Variants in COP1 observed in about 807,000 individuals in gnomAD.
COP1 encodes the protein E3 ubiquitin-protein ligase COP1.
COP1 carries 24 observed loss-of-function variants against 101.3 expected under a neutral mutation model. That is an observed-to-expected ratio of 0.24 (90% CI 0.17 to 0.33). The LOEUF is 0.33. Among genes scored for constraint, COP1 ranks in the 10% least tolerant of loss-of-function variants. The pLI is 1.00. For synonymous variants in COP1, 347 were observed against 341.9 expected (o/e 1.01, Z -0.17); for missense variants, 663 against 906.2 (o/e 0.73, Z 3.45).
chr1:176,194,068 T>C (rs1426642752), intron 1 of COP1, among the ~76,000 whole-genome samples: 1 of 152,194 alleles, frequency 6.6e-6, no homozygotes, highest in African/African-American at 2.4e-5. Context: ...TATGAAATAT[T>C]TGAAGGTAGA....
chr1:176,050,815 C>T (rs550374816), intron 11 of COP1, among the ~76,000 whole-genome samples: 2 of 152,236 alleles, frequency 1.3e-5, no homozygotes, highest in South Asian at 4.1e-4. Context: ...CTGAGGTATA[C>T]TAATGTTAAG....
intron 5 of COP1, 63 bp from the exon 6 acceptor site, chr1:176,149,137 C>A: frequency 9.6e-7 from 1 of 1,040,700 alleles, no homozygotes; most frequent in South Asian, 1.5e-5. Context: ...TTTTCTTTAA[C>A]ACCATAGCAT....
At chr1:175,947,458 C>T (rs1345395985) in intron 18 of COP1, 1 of 433,276 alleles carries the variant, frequency 2.3e-6, no homozygotes, top group African/African-American at 2.0e-5. Context: ...ACAACCTCCA[C>T]TTCCTGGGTT....
chr1:175,976,996 T>G (rs568536207), intron 18 of COP1, among the ~76,000 whole-genome samples: 1 of 152,154 alleles, frequency 6.6e-6, no homozygotes, highest in South Asian at 2.1e-4. Flanking sequence ...TTAGTATTTT[T>G]TTCTCCCAAT....
At chr1:176,182,610 C>T (rs1450667732) in intron 2 of COP1, among the ~76,000 whole-genome samples, 3 of 152,204 alleles carry the variant, frequency 2.0e-5, no homozygotes, top group African/African-American at 4.8e-5. Context: ...TACTCTAGAT[C>T]ACCTAATTTT....
rs190782635 is a variant in COP1 at position 176,113,172 on chromosome 1, A to G, written c.1026+3452T>C. Among the ~76,000 whole-genome samples, 45 of 152,264 alleles carry G rather than the reference A, an allele frequency of 3.0e-4. No individual in the cohort carries two copies. The East Asian group carries it at 8.5e-3, about 29-fold the overall frequency. On this transcript the variant is annotated intron_variant, in intron 9 of 19. Transcript: ENST00000367669. ...TACGACTTTACATTCTCATCAGTATAGGGGCATTCACTCTTTCTCCACGTC... is the reference window on the plus strand; with the variant it reads ...TACGACTTTACATTCTCATCAGTATGGGGGCATTCACTCTTTCTCCACGTC...
chr1:176,064,185 A>T (rs1320022512), intron 11 of COP1, among the ~76,000 whole-genome samples: 1 of 152,204 alleles, frequency 6.6e-6, no homozygotes, highest in Non-Finnish European at 1.5e-5. Context: ...TCTCAATCAA[A>T]ATGACCTTCC....
At chr1:176,073,314 T>C (rs1001677510) in intron 11 of COP1, among the ~76,000 whole-genome samples, 4 of 152,294 alleles carry the variant, frequency 2.6e-5, no homozygotes, top group African/African-American at 9.6e-5. Flanking sequence ...TCTTAGGAAT[T>C]TACTAATGCT....
intron 15 of COP1, among the ~76,000 whole-genome samples, chr1:175,992,772 G>A (rs1658929411): frequency 6.6e-6 from 1 of 152,236 alleles, no homozygotes; most frequent in Admixed American, 6.5e-5. Flanking sequence ...GCCCACCACA[G>A]CTCAAGGAGG....
chr1:176,143,020 A>G (rs1690943306), intron 6 of COP1, among the ~76,000 whole-genome samples: 1 of 151,954 alleles, frequency 6.6e-6, no homozygotes, highest in South Asian at 2.1e-4. Context: ...ATAAAACAGA[A>G]AACAAACAAA....
intron 8 of COP1, among the ~76,000 whole-genome samples, chr1:176,127,345 C>T (rs1196030027): frequency 6.6e-6 from 1 of 152,140 alleles, no homozygotes; most frequent in Non-Finnish European, 1.5e-5. Context: ...ACCAACTTCT[C>T]CCCTCTCCCC....
chr1:176,198,973 A>C (rs1252160617), intron 1 of COP1, among the ~76,000 whole-genome samples: 2 of 152,246 alleles, frequency 1.3e-5, no homozygotes, highest in African/African-American at 4.8e-5. Context: ...AAAACAATAC[A>C]AGAAATAAAT....
chr1:175,974,602 G>A (rs932113846), intron 18 of COP1, among the ~76,000 whole-genome samples: 2 of 152,088 alleles, frequency 1.3e-5, no homozygotes, highest in African/African-American at 2.4e-5. Flanking sequence ...GATATAAAAC[G>A]TTTAAGATCG....
At chr1:176,155,200 T>C (rs1359963725) in intron 5 of COP1, among the ~76,000 whole-genome samples, 2 of 152,044 alleles carry the variant, frequency 1.3e-5, no homozygotes, top group African/African-American at 2.4e-5. Context: ...AATCAAAAAA[T>C]GCGTACTATT....
intron 15 of COP1, among the ~76,000 whole-genome samples, chr1:176,007,984 G>A (rs371749663): frequency 6.6e-6 from 1 of 152,170 alleles, no homozygotes; most frequent in East Asian, 1.9e-4. Context: ...TGCTCTGCTA[G>A]CAATCAGGGA....
At chr1:176,031,725 G>T (rs943439737) in intron 14 of COP1, among the ~76,000 whole-genome samples, 4 of 152,046 alleles carry the variant, frequency 2.6e-5, no homozygotes. Context: ...TTAACACTAA[G>T]TGTTCTATAC....
chr1:176,001,985 C>T (rs149980931), intron 15 of COP1, among the ~76,000 whole-genome samples: 1 of 152,090 alleles, frequency 6.6e-6, no homozygotes, highest in African/African-American at 2.4e-5. Flanking sequence ...AATGAGGATC[C>T]CTGGTACTTG....
intron 11 of COP1, among the ~76,000 whole-genome samples, chr1:176,069,399 ACTCT>A (rs1048457622): frequency 2.0e-5 from 3 of 151,906 alleles, no homozygotes; most frequent in African/African-American, 7.3e-5. Flanking sequence ...CCTCAAGAGA[ACTCT>A]CTCTTTAGTC....
intron 11 of COP1, among the ~76,000 whole-genome samples, chr1:176,077,235 C>CT (rs768531289): frequency 2.6e-5 from 4 of 151,998 alleles, no homozygotes; most frequent in Non-Finnish European, 5.9e-5. Context: ...ACAAAATACT[C>CT]TGTATTTGTT....
Sources: gnomAD v4.1 joint callset for allele counts (sites outside exome capture counted in the v4.1 genomes callset) on GRCh38, gnomAD v4.1.1 for gene constraint, MANE v1.5 for transcripts, NCBI Gene and HGNC (gene_info 2026-07-23, HGNC 2026-07-21) for gene names.